Variants in ATP11C observed in about 807,000 individuals in gnomAD.
The protein encoded by ATP11C is ATPase phospholipid transporting 11C (ATP11C blood group), also known as phospholipid-transporting ATPase IG.
ATP11C carries 36 observed loss-of-function variants against 97.4 expected under a neutral mutation model. The ratio of observed to expected loss-of-function variants is 0.37; its 90% CI spans 0.28 to 0.49. The LOEUF is 0.49. Among genes scored for constraint, ATP11C ranks in the 20% least tolerant of loss-of-function variants. The probability of loss-of-function intolerance (pLI) is 0.98; values close to 1 mark genes in which losing one functional copy is unlikely to be tolerated. For synonymous variants in ATP11C, 275 were observed against 290.9 expected (o/e 0.95, Z 0.56); for missense variants, 730 against 824.6 (o/e 0.89, Z 1.40).
chrX:139,787,158 C>G lies in ATP11C; in HGVS notation c.1592+15G>C, dbSNP rs749236667. On this transcript the variant is annotated intron_variant, in intron 15 of 29. Coordinates refer to ENST00000682941, the MANE Select transcript of ATP11C (RefSeq NM_001353812.2). ...GGGTTAAGAAATGACAAACATCAAA[C>G]ACAGAGCTACTTACTCTTCTATTTC... 51 of 1,204,923 alleles carry G rather than the reference C, an allele frequency of 4.2e-5. No homozygotes were observed. The highest frequency in any genetic ancestry group is 4.6e-4 in the Middle Eastern group (2 of 4,361).
At chrX:139,754,874 T>A (rs907303348) in intron 23 of ATP11C, among the ~76,000 whole-genome samples, 3 of 111,741 alleles carry the variant, frequency 2.7e-5, no homozygotes, top group Non-Finnish European at 5.6e-5. Context: ...GAAAAACCCA[T>A]AGCCAACATC....
intron 1 of ATP11C, among the ~76,000 whole-genome samples, chrX:139,843,803 A>G (rs1016175411): frequency 1.8e-5 from 2 of 109,988 alleles, no homozygotes; most frequent in Non-Finnish European, 3.8e-5. Context: ...AGCAATTATG[A>G]AACAGTGCCT....
At chrX:139,745,386 T>A (rs1208593360) in intron 25 of ATP11C, among the ~76,000 whole-genome samples, 2 of 111,732 alleles carry the variant, frequency 1.8e-5, no homozygotes, top group Non-Finnish European at 3.8e-5. Flanking sequence ...AAAAACTGAA[T>A]GCGGCCAGGC....
intron 1 of ATP11C, among the ~76,000 whole-genome samples, chrX:139,864,708 A>G (rs1323065988): frequency 8.9e-6 from 1 of 112,531 alleles, no homozygotes; most frequent in Non-Finnish European, 1.9e-5. Flanking sequence ...CTAAGGAAAA[A>G]GTATTAAATA....
intron 25 of ATP11C, among the ~76,000 whole-genome samples, chrX:139,744,263 T>A (rs1276864052): frequency 9.0e-6 from 1 of 111,631 alleles, no homozygotes; most frequent in Non-Finnish European, 1.9e-5. Context: ...AAACAAAAAT[T>A]AAGGTTAATA....
chrX:139,849,197 C>T (rs1464431915), intron 1 of ATP11C, among the ~76,000 whole-genome samples: 1 of 111,547 alleles, frequency 9.0e-6, no homozygotes, highest in East Asian at 2.8e-4. Context: ...CCATTCAAGA[C>T]TCACAAAGAG....
intron 1 of ATP11C, among the ~76,000 whole-genome samples, chrX:139,872,781 G>A (rs971760375): frequency 1.3e-4 from 14 of 111,845 alleles, no homozygotes; most frequent in African/African-American, 4.6e-4. Flanking sequence ...GTATTGCTTT[G>A]CTCTGTCCAA....
rs146616816 is a variant in ATP11C at position 139,898,204 on chromosome X, T to C, written c.27+33812A>G. Among the ~76,000 whole-genome samples the C allele has an allele frequency of 3.4e-4, 38 of 111,580 alleles. No individual in the cohort carries two copies. The East Asian group carries it at 9.3e-3, about 27-fold the overall frequency. On this transcript the variant is annotated intron_variant, in intron 1 of 29. Coordinates refer to ENST00000682941, the MANE Select transcript of ATP11C (RefSeq NM_001353812.2). ...TTTATGTCACTAAGGCAATGTTCTTTTTCAAAGCTCTCGGTTAGTTCTTAA... is the reference window on the plus strand; with the variant it reads ...TTTATGTCACTAAGGCAATGTTCTTCTTCAAAGCTCTCGGTTAGTTCTTAA...
chrX:139,917,056 G>C (rs2085165973), intron 1 of ATP11C, among the ~76,000 whole-genome samples: 1 of 111,379 alleles, frequency 9.0e-6, no homozygotes, highest in Admixed American at 9.6e-5. Context: ...CCTGTCCTAC[G>C]ATGCTGGGAG....
At position 139,876,733 on chromosome X, in the gene ATP11C, AAAGTGTTTT is replaced by A. The variant is rs1351005567; in HGVS notation, c.28-49919_28-49911del. 1.4e-3 allele frequency among the ~76,000 whole-genome samples: 153 copies of A among 112,508 alleles called. 1 individual carries two copies. The highest frequency in any genetic ancestry group is 4.7e-3 in the African/African-American group (147 of 30,984). On this transcript the variant is annotated intron_variant, in intron 1 of 29. Transcript: ENST00000682941. ...AGGACTCCAGGAGGTAACGATGTAG[AAAGTGTTTT>A]AAACAGCACCTGGCATTTGCTAGAG...
At chrX:139,815,408 C>T (rs2083263879) in intron 4 of ATP11C, among the ~76,000 whole-genome samples, 1 of 111,274 alleles carries the variant, frequency 9.0e-6, no homozygotes, top group Non-Finnish European at 1.9e-5. Context: ...GTAGACTGTT[C>T]GAGTAATCAT....
Position 139,862,671 on chromosome X carries a change from G to C in ATP11C, c.28-35848C>G, listed in dbSNP as rs755863757. Among the ~76,000 whole-genome samples, 3 of 111,577 alleles carry C rather than the reference G, an allele frequency of 2.7e-5. No homozygotes were observed. In the East Asian group the frequency reaches 8.5e-4, roughly 31 times the overall value. On this transcript the variant is annotated intron_variant, in intron 1 of 29. Transcript: ENST00000682941. ...GGTTTCATCATCCCCACTTTGAAGAGGAGAAAATAGAGGCAGAGAGCATAA... is the reference window on the plus strand; with the variant it reads ...GGTTTCATCATCCCCACTTTGAAGACGAGAAAATAGAGGCAGAGAGCATAA...
rs1166654860 is a variant in ATP11C at position 139,909,478 on chromosome X, T to G, written c.27+22538A>C. Among the ~76,000 whole-genome samples the G allele has an allele frequency of 2.7e-5, 3 of 111,106 alleles. No homozygotes were observed. In the Admixed American group the frequency reaches 2.9e-4, roughly 11 times the overall value. On this transcript the variant is annotated intron_variant, in intron 1 of 29. Coordinates refer to ENST00000682941, the MANE Select transcript of ATP11C (RefSeq NM_001353812.2). ...TTTCTTTCCTTCTGTATCTGGTCTG[T>G]GATGTGATGGTGGATACACAAACTT...
intron 1 of ATP11C, among the ~76,000 whole-genome samples, chrX:139,878,526 A>C (rs913214800): frequency 8.9e-6 from 1 of 112,385 alleles, no homozygotes; most frequent in African/African-American, 3.2e-5. Context: ...ACTATGGATT[A>C]CATAGATTCA....
rs753477103 is a variant in ATP11C at position 139,728,864 on chromosome X, A to G, written c.*102T>C. On this transcript the variant is annotated 3_prime_UTR_variant, in exon 30 of 30. Transcript: ENST00000682941. ...GTTGCGTATCAAGTATCCTGAGATGATAACTTTTTGTAGTTGTTTCTTCAT... is the reference window on the plus strand; with the variant it reads ...GTTGCGTATCAAGTATCCTGAGATGGTAACTTTTTGTAGTTGTTTCTTCAT... 22 of 1,129,035 alleles carry G rather than the reference A, an allele frequency of 1.9e-5. No homozygotes were observed. The South Asian group carries it at 3.9e-4, about 20-fold the overall frequency. The allele number at this position is 1,129,035 out of a possible 1,213,427, so 93.0% of individuals were successfully genotyped here. A position where few individuals can be genotyped will look rare whatever the true frequency, so the allele number is the denominator to read the frequency against.
chrX:139,755,703 C>A (rs1406755064), intron 23 of ATP11C, among the ~76,000 whole-genome samples: 1 of 111,780 alleles, frequency 8.9e-6, no homozygotes, highest in Non-Finnish European at 1.9e-5. Context: ...TTCAACATAG[C>A]TGACAGAAAC....
chrX:139,898,088 A>T (rs1044721184), intron 1 of ATP11C, among the ~76,000 whole-genome samples: 10 of 111,470 alleles, frequency 9.0e-5, no homozygotes, highest in African/African-American at 2.9e-4. Context: ...CTTCTTCCTC[A>T]TCCTTTGCTC....
At chrX:139,933,914 G>GA, upstream of ATP11C, among the ~76,000 whole-genome samples, 2 of 112,544 alleles carry the variant, frequency 1.8e-5, no homozygotes, top group Admixed American at 1.9e-4. Flanking sequence ...ACAAACAAGC[G>GA]AAAATGCCAC....
chrX:139,931,200 G>C (rs1200648028), intron 1 of ATP11C, among the ~76,000 whole-genome samples: 1 of 112,294 alleles, frequency 8.9e-6, no homozygotes, highest in Non-Finnish European at 1.9e-5. Context: ...TCAGTAGCCA[G>C]AAAGCGATTT....
Sources: gnomAD v4.1 joint callset for allele counts (sites outside exome capture counted in the v4.1 genomes callset) on GRCh38, gnomAD v4.1.1 for gene constraint, MANE v1.5 for transcripts, NCBI Gene and HGNC (gene_info 2026-07-23, HGNC 2026-07-21) for gene names.